STAG2: variants seen among roughly 807,000 people sequenced by gnomAD.
STAG2 encodes the protein STAG2 cohesin complex component.
A neutral mutation model predicts 108.1 loss-of-function variants in STAG2; 14 were observed. That is an observed-to-expected ratio of 0.13 (90% confidence interval 0.09 to 0.20). STAG2 has a LOEUF of 0.20. Ranked by LOEUF, STAG2 falls within the 10% of genes least tolerant of loss-of-function variation. STAG2 has a pLI of 1.00. For missense variants in STAG2, 440 were observed against 940.9 expected, an observed-to-expected ratio of 0.47 and a Z score of 6.96; for synonymous variants, 307 against 302.7, an observed-to-expected ratio of 1.01 and a Z score of -0.15.
chrX:124,051,877 A>G (rs1255553159), intron 13 of STAG2, among the ~76,000 whole-genome samples: 3 of 112,618 alleles, frequency 2.7e-5, no homozygotes, highest in Admixed American at 1.9e-4. Flanking sequence ...GGCGTGAGCC[A>G]CTGCGCCTGA....
At chrX:124,040,545 T>C (rs2057677596) in intron 6 of STAG2, among the ~76,000 whole-genome samples, 1 of 109,781 alleles carries the variant, frequency 9.1e-6, no homozygotes, top group Non-Finnish European at 1.9e-5. Flanking sequence ...TCTTTTCTGC[T>C]CTGAGGTCCT....
intron 5 of STAG2, among the ~76,000 whole-genome samples, chrX:124,031,826 G>A (rs1191109632): frequency 9.2e-6 from 1 of 108,426 alleles, no homozygotes; most frequent in Admixed American, 1.0e-4. Context: ...CGCCTCCTGG[G>A]TTCAGGCGAT....
At chrX:123,988,727 A>T (rs1189306479) in intron 1 of STAG2, among the ~76,000 whole-genome samples, 2 of 111,621 alleles carry the variant, frequency 1.8e-5, no homozygotes, top group Non-Finnish European at 3.8e-5. Flanking sequence ...TGTGAGTACT[A>T]CTACAAGACA....
intron 1 of STAG2, among the ~76,000 whole-genome samples, chrX:123,974,212 T>G (rs937735485): frequency 2.7e-5 from 3 of 109,262 alleles, no homozygotes; most frequent in Non-Finnish European, 5.7e-5. Flanking sequence ...AAAGAGCCCA[T>G]GATCATCTTT....
At position 124,058,154 on chromosome X, in the gene STAG2, CTTTTTTTTTT is replaced by C. The variant is rs999044036; in HGVS notation, c.1416+189_1416+198del. ...TTTAAATATGCTTTCTACTTTTCTT[CTTTTTTTTTT>C]TTTTTTTTTTTGAGACGGAGTCTTG... is the stretch of plus-strand genomic sequence containing the variant. On this transcript the variant is annotated intron_variant, in intron 15 of 34. Coordinates refer to ENST00000371145, the MANE Select transcript of STAG2 (RefSeq NM_001042750.2). 1.4e-4 allele frequency among the ~76,000 whole-genome samples: 10 copies of C among 72,945 alleles called. No individual in the cohort carries two copies. The East Asian group carries it at 1.7e-3, about 13-fold the overall frequency. The allele number at this position is 72,945 out of a possible 115,157, so 63.3% of individuals were successfully genotyped here. A position where few individuals can be genotyped will look rare whatever the true frequency, so the allele number is the denominator to read the frequency against.
chrX:124,062,431 GCTTT>G (rs1032611228), intron 17 of STAG2, among the ~76,000 whole-genome samples: 5 of 111,943 alleles, frequency 4.5e-5, no homozygotes, highest in African/African-American at 1.6e-4. Flanking sequence ...ACAATGTGAT[GCTTT>G]CTGTGTTTTC....
intron 34 of STAG2, among the ~76,000 whole-genome samples, chrX:124,097,511 A>G (rs777084836): frequency 8.9e-6 from 1 of 111,929 alleles, no homozygotes; most frequent in African/African-American, 3.2e-5. Flanking sequence ...AATTTATTAC[A>G]TCAGAAGTTG....
At chrX:123,962,200 G>C (rs943916813) in intron 1 of STAG2, 4 of 110,904 alleles carry the variant, frequency 3.6e-5, no homozygotes, top group Non-Finnish European at 7.5e-5. Context: ...ATCTGCGGAC[G>C]GCGATTTTGG....
rs2057715231 is a variant in STAG2, at chrX:124,041,431, A to G, written c.386-1138A>G. On this transcript the variant is annotated intron_variant, in intron 6 of 34. Transcript: ENST00000371145. ...GCTATGTATATACACAGGCGCGCGC[A>G]CACACACAGATGCATGCATATACAA... Among the ~76,000 whole-genome samples, 3 of 110,007 alleles carry G rather than the reference A, an allele frequency of 2.7e-5. No individual in the cohort carries two copies. In the Admixed American group the frequency reaches 2.9e-4, roughly 11 times the overall value.
At chrX:124,083,206 T>TTGTG (rs199790131) in intron 28 of STAG2, among the ~76,000 whole-genome samples, 62 of 107,078 alleles carry the variant, frequency 5.8e-4, no homozygotes, top group Middle Eastern at 4.7e-3. Flanking sequence ...GTGTGTGTGT[T>TTGTG]TGTGTGTGTG....
chrX:123,979,265 C>T (rs1246858671), intron 1 of STAG2, among the ~76,000 whole-genome samples: 1 of 110,934 alleles, frequency 9.0e-6, no homozygotes, highest in Non-Finnish European at 1.9e-5. Context: ...GCCAGCCCTC[C>T]TTTTTCAGTT....
intron 6 of STAG2, 73 bp from the exon 7 acceptor site, chrX:124,042,496 A>G (rs1362642406): frequency 2.8e-6 from 2 of 717,862 alleles, no homozygotes; most frequent in South Asian, 2.4e-5. Flanking sequence ...TCTTAGTGTT[A>G]GAGACTTACT....
At chrX:123,995,598 G>T (rs1362248002) in intron 1 of STAG2, among the ~76,000 whole-genome samples, 1 of 110,695 alleles carries the variant, frequency 9.0e-6, no homozygotes, top group African/African-American at 3.3e-5. Context: ...GGAGGCTGAG[G>T]CAGGAGAATG....
rs112253123 is a variant in STAG2, at chrX:123,972,414, G to A, written c.-163+10558G>A. On this transcript the variant is annotated intron_variant, in intron 1 of 34. Coordinates refer to ENST00000371145, the MANE Select transcript of STAG2 (RefSeq NM_001042750.2). ...GCCTCCCGAGTAGCTGGGACTACAG[G>A]CGCCTGCCACCATGGCCGGCTAATT... 6.4e-3 allele frequency among the ~76,000 whole-genome samples: 699 copies of A among 108,853 alleles called. 5 individuals are homozygous for A. The highest frequency in any genetic ancestry group is 0.022 in the African/African-American group (657 of 29,877). The allele number at this position is 108,853 out of a possible 115,157, so 94.5% of individuals were successfully genotyped here. A position where few individuals can be genotyped will look rare whatever the true frequency, so the allele number is the denominator to read the frequency against.
chrX:124,014,340 C>T (rs916578364), intron 1 of STAG2, among the ~76,000 whole-genome samples: 2 of 111,356 alleles, frequency 1.8e-5, no homozygotes, highest in African/African-American at 6.5e-5. Flanking sequence ...GGCCTCCTTC[C>T]ATCCTTTATA....
intron 1 of STAG2, among the ~76,000 whole-genome samples, chrX:123,977,538 T>C (rs1431664618): frequency 8.9e-6 from 1 of 111,856 alleles, no homozygotes; most frequent in East Asian, 2.8e-4. Context: ...TTTACTTTTA[T>C]GCTGTTACTG....
At chrX:124,070,226 G>A (rs1367519218) in intron 24 of STAG2, among the ~76,000 whole-genome samples, 1 of 111,610 alleles carries the variant, frequency 9.0e-6, no homozygotes, top group Non-Finnish European at 1.9e-5. Flanking sequence ...GCAAGTTTTT[G>A]TAGACTGAAA....
chrX:124,056,602 G>A (rs1240334955), intron 14 of STAG2, among the ~76,000 whole-genome samples: 1 of 107,369 alleles, frequency 9.3e-6, no homozygotes, highest in Non-Finnish European at 1.9e-5. Context: ...GCCTGGTGGC[G>A]GGCGCCTGTA....
At chrX:124,057,317 G>A (rs1268472372) in intron 14 of STAG2, among the ~76,000 whole-genome samples, 1 of 111,725 alleles carries the variant, frequency 9.0e-6, no homozygotes, top group African/African-American at 3.3e-5. Context: ...CCTGTTGGGG[G>A]TGCAGCAATT....
Sources: allele counts gnomAD v4.1 joint callset (sites outside exome capture counted in the v4.1 genomes callset), GRCh38; gene constraint gnomAD v4.1.1; transcripts MANE v1.5; gene names NCBI Gene and HGNC (gene_info 2026-07-23, HGNC 2026-07-21).